PTPRT: variants seen among roughly 807,000 people sequenced by gnomAD.
PTPRT encodes the protein protein tyrosine phosphatase receptor type T.
In PTPRT, 56 loss-of-function variants were observed where a neutral mutation model predicts 176.8. The observed-to-expected ratio is 0.32, with a 90% confidence interval of 0.26 to 0.40. The LOEUF (loss-of-function observed/expected upper bound fraction) is 0.40, where lower values mean the gene tolerates loss of function less well. PTPRT is among the 10% of genes least tolerant of loss of function. The pLI is 1.00. For missense variants in PTPRT, 1,540 were observed against 1,908.2 expected, an observed-to-expected ratio of 0.81 and a Z score of 3.60; for synonymous variants, 783 against 739.0, an observed-to-expected ratio of 1.06 and a Z score of -0.96.
intron 6 of PTPRT, among the ~76,000 whole-genome samples, chr20:42,720,749 G>A (rs2076290748): frequency 6.6e-6 from 1 of 152,142 alleles, no homozygotes; most frequent in African/African-American, 2.4e-5. Context: ...CAAATCCCCA[G>A]ATCACATACT....
chr20:43,039,386 C>G (rs1986515190), intron 1 of PTPRT, among the ~76,000 whole-genome samples: 1 of 151,288 alleles, frequency 6.6e-6, no homozygotes, highest in Admixed American at 6.6e-5. Context: ...CTCTATCTCA[C>G]TCCTTACACC....
intron 7 of PTPRT, among the ~76,000 whole-genome samples, chr20:42,649,367 C>T (rs377394071): frequency 2.0e-5 from 3 of 152,242 alleles, no homozygotes; most frequent in East Asian, 3.9e-4. Context: ...TCCCATGACA[C>T]GTGGGAATTG....
chr20:43,130,002 G>T (rs1455209529), intron 1 of PTPRT, among the ~76,000 whole-genome samples: 1 of 152,134 alleles, frequency 6.6e-6, no homozygotes, highest in Non-Finnish European at 1.5e-5. Flanking sequence ...GAGACACAAG[G>T]AAAGAATTTA....
At chr20:42,300,221 G>A (rs1221333228) in intron 12 of PTPRT, among the ~76,000 whole-genome samples, 3 of 137,894 alleles carry the variant, frequency 2.2e-5, no homozygotes, top group African/African-American at 8.2e-5. Flanking sequence ...TCACGCCATT[G>A]TACTCCGGCC....
chr20:42,411,512 T>A, intron 9 of PTPRT, among the ~76,000 whole-genome samples: 1 of 75,996 alleles, frequency 1.3e-5, no homozygotes, highest in South Asian at 5.1e-4. Flanking sequence ...AGCTAAACCC[T>A]GTCTCAAAAA....
intron 7 of PTPRT, among the ~76,000 whole-genome samples, chr20:42,648,327 A>G (rs1205548341): frequency 1.3e-5 from 2 of 152,096 alleles, no homozygotes; most frequent in Non-Finnish European, 2.9e-5. Flanking sequence ...TCCCCCTCTC[A>G]GCTCTGCAAG....
intron 2 of PTPRT, among the ~76,000 whole-genome samples, chr20:42,845,195 G>A (rs142878766): frequency 6.6e-6 from 1 of 152,148 alleles, no homozygotes; most frequent in Admixed American, 6.5e-5. Context: ...TGCCTTGCTC[G>A]ATGTCCACTG....
At chr20:43,070,473 G>C (rs1310336406) in intron 1 of PTPRT, among the ~76,000 whole-genome samples, 1 of 152,142 alleles carries the variant, frequency 6.6e-6, no homozygotes. Context: ...TCCCATTATT[G>C]AGTATATACC....
chr20:42,755,928 T>A (rs1213011009), intron 6 of PTPRT, among the ~76,000 whole-genome samples: 1 of 152,120 alleles, frequency 6.6e-6, no homozygotes, highest in African/African-American at 2.4e-5. Context: ...CAGAAAACAA[T>A]CTGCATATTT....
At chr20:42,970,337 C>G (rs1982552225) in intron 1 of PTPRT, among the ~76,000 whole-genome samples, 1 of 152,170 alleles carries the variant, frequency 6.6e-6, no homozygotes, top group African/African-American at 2.4e-5. Flanking sequence ...GATTCGGATC[C>G]AGACTTGCGC....
intron 6 of PTPRT, among the ~76,000 whole-genome samples, chr20:42,711,654 T>C (rs1468096433): frequency 2.0e-5 from 3 of 152,138 alleles, no homozygotes; most frequent in Non-Finnish European, 4.4e-5. Context: ...TATTTCTTTA[T>C]AGTGATTCAA....
chr20:42,303,120 C>A (rs1199579502), intron 12 of PTPRT, among the ~76,000 whole-genome samples: 1 of 152,160 alleles, frequency 6.6e-6, no homozygotes, highest in Non-Finnish European at 1.5e-5. Flanking sequence ...TTTAAACCAA[C>A]CCAAACCAGA....
chr20:42,504,282 T>G (rs1159484240), intron 7 of PTPRT, among the ~76,000 whole-genome samples: 3 of 152,140 alleles, frequency 2.0e-5, no homozygotes, highest in Non-Finnish European at 2.9e-5. Flanking sequence ...TATTGTTCAA[T>G]TAATTCTTGT....
chr20:42,105,243 A>G (rs781670262), intron 24 of PTPRT, among the ~76,000 whole-genome samples: 15 of 152,316 alleles, frequency 9.8e-5, no homozygotes, highest in Non-Finnish European at 1.8e-4. Context: ...AGTGTTTAAC[A>G]ACTTGTTAAA....
chr20:42,902,582 C>T (rs1157281085), intron 1 of PTPRT, among the ~76,000 whole-genome samples: 1 of 152,186 alleles, frequency 6.6e-6, no homozygotes, highest in Non-Finnish European at 1.5e-5. Flanking sequence ...GGTGCCCACT[C>T]AATAATCCGG....
At chr20:42,334,749 T>G (rs2058015835) in intron 11 of PTPRT, among the ~76,000 whole-genome samples, 1 of 152,222 alleles carries the variant, frequency 6.6e-6, no homozygotes, top group African/African-American at 2.4e-5. Context: ...TGAATCTCAC[T>G]GGTTATGTGA....
At chr20:42,202,464 T>C (rs1013285223) in intron 15 of PTPRT, among the ~76,000 whole-genome samples, 1 of 152,158 alleles carries the variant, frequency 6.6e-6, no homozygotes, top group Non-Finnish European at 1.5e-5. Context: ...TCCAGGCAGA[T>C]ATACAACAAG....
chr20:42,614,937 A>G (rs55636041), intron 7 of PTPRT, among the ~76,000 whole-genome samples: 2 of 123,514 alleles, frequency 1.6e-5, no homozygotes, highest in South Asian at 2.5e-4. Context: ...TTTTTTTTCT[A>G]TTTTTTTTTT....
At chr20:42,719,873 T>C (rs764901576) in intron 6 of PTPRT, among the ~76,000 whole-genome samples, 26 of 152,054 alleles carry the variant, frequency 1.7e-4, no homozygotes, top group Non-Finnish European at 3.8e-4. Context: ...TGACACAGGG[T>C]AAGAACGGAT....
Sources: gnomAD v4.1 joint callset for allele counts (sites outside exome capture counted in the v4.1 genomes callset) on GRCh38, gnomAD v4.1.1 for gene constraint, MANE v1.5 for transcripts, NCBI Gene and HGNC (gene_info 2026-07-23, HGNC 2026-07-21) for gene names.